The following MEGF6 variants were observed in gnomAD, a reference collection of about 807,000 sequenced individuals.
MEGF6 encodes the protein multiple EGF like domains 6.
A neutral mutation model predicts 207.1 loss-of-function variants in MEGF6; 184 were observed. The ratio of observed to expected loss-of-function variants is 0.89; its 90% CI spans 0.79 to 1.00. The LOEUF is 1.00. MEGF6 is among the 50% of genes least tolerant of loss of function. MEGF6 has a pLI of 0.00. For synonymous variants in MEGF6, 1,038 were observed against 910.0 expected (o/e 1.14, Z -2.53); for missense variants, 2,282 against 2,202.9 (o/e 1.04, Z -0.72).
Position 3,489,972 on chromosome 1 carries a change from G to A in MEGF6, c.*556C>T, listed in dbSNP as rs564281455. On this transcript the variant is annotated 3_prime_UTR_variant, in exon 37 of 37. Transcript: ENST00000356575. The stretch of plus-strand genomic sequence containing the variant: ...GGTTTACATGGTACCGGAGCCAGCA[G>A]CCTGGTGAGCCCGCAGGAGCCTGCA... The A allele has an allele frequency of 6.5e-6, 1 of 154,462 alleles. No individual in the cohort carries two copies. Among genetic ancestry groups the A allele is most frequent in the East Asian group, 1.9e-4 (1 of 5,200 alleles). The allele number at this position is 154,462 out of a possible 1,614,324, so 9.6% of individuals were successfully genotyped here.
chr1:3,498,263 C>A (rs940586103), intron 26 of MEGF6, 108 bp downstream of exon 26: 2 of 1,359,472 alleles, frequency 1.5e-6, no homozygotes, highest in Non-Finnish European at 2.0e-6. Context: ...GACAACAGGT[C>A]CCCTGGTGAG....
chr1:3,514,599 A>G lies in MEGF6; in HGVS notation c.804T>C (p.Cys268=). The change falls in exon 7 of 37, where the codon TGT becomes TGC. Residue 268 remains cysteine, a synonymous_variant. Coordinates refer to ENST00000356575, the MANE Select transcript of MEGF6 (RefSeq NM_001409.4). ...RCQVVRGLAR[C]ECHVGYQLAA... ...CTAGCTGATAGCCCACGTGGCACTCACAGCGGGCGAGGCCCCGGACCACCT... is the reference window on the plus strand; with the variant it reads ...CTAGCTGATAGCCCACGTGGCACTCGCAGCGGGCGAGGCCCCGGACCACCT... 1 of 1,581,698 alleles carries G rather than the reference A, an allele frequency of 6.3e-7. No individual in the cohort carries two copies. The highest frequency in any genetic ancestry group is 8.6e-7 in the Non-Finnish European group (1 of 1,166,200).
chr1:3,566,888 G>A (rs935757395), intron 4 of MEGF6, among the ~76,000 whole-genome samples: 3 of 152,198 alleles, frequency 2.0e-5, no homozygotes, highest in Non-Finnish European at 2.9e-5. Flanking sequence ...AAATAACTGG[G>A]TGCTAGACTG....
chr1:3,602,737 G>T, intron 1 of MEGF6, 137 bp from the exon 2 acceptor site: 1 of 1,287,166 alleles, frequency 7.8e-7, no homozygotes, highest in Non-Finnish European at 1.0e-6. Flanking sequence ...ACGGCACAGT[G>T]CCCATGCCAG....
At chr1:3,527,872 G>A (rs959102853) in intron 4 of MEGF6, among the ~76,000 whole-genome samples, 9 of 152,118 alleles carry the variant, frequency 5.9e-5, no homozygotes, top group Non-Finnish European at 1.3e-4. Context: ...CATCCCAGCC[G>A]GGTTCGGCTC....
At position 3,500,617 on chromosome 1, in the gene MEGF6, C is replaced by T; in HGVS notation, c.2707+16G>A. On this transcript the variant is annotated intron_variant, in intron 21 of 36. Coordinates refer to ENST00000356575, the MANE Select transcript of MEGF6 (RefSeq NM_001409.4). ...CACTCAGGAGGGTGGCAGCCAAAGGCAGGGCCGGGACTCACGCTGCTCGCA... is the reference window on the plus strand; with the variant it reads ...CACTCAGGAGGGTGGCAGCCAAAGGTAGGGCCGGGACTCACGCTGCTCGCA... The T allele has an allele frequency of 1.3e-6, 2 of 1,544,460 alleles. No individual in the cohort carries two copies. Among genetic ancestry groups the T allele is most frequent in the East Asian group, 2.4e-5 (1 of 41,000 alleles).
intron 5 of MEGF6, 128 bp downstream of exon 5, chr1:3,523,996 G>A: frequency 1.9e-6 from 2 of 1,068,156 alleles, no homozygotes; most frequent in Non-Finnish European, 2.7e-6. Flanking sequence ...GCAGGAAGGA[G>A]CCACTGCCAG....
rs1311932832 is a variant in MEGF6 at position 3,583,438 on chromosome 1, ACCAGACAACGCG to A, written c.377-3521_377-3510del. On this transcript the variant is annotated intron_variant, in intron 3 of 36. Coordinates refer to ENST00000356575, the MANE Select transcript of MEGF6 (RefSeq NM_001409.4). Reference sequence around the variant, plus strand: ...CGCAGCCACCAGACAACGCACAGCCACCAGACAACGCGCAGCCACCAGACAACGCGCAGCCAC... The same window carrying A: ...CGCAGCCACCAGACAACGCACAGCCACAGCCACCAGACAACGCGCAGCCAC... 1.9e-4 allele frequency among the ~76,000 whole-genome samples: 12 copies of A among 62,668 alleles called. 4 individuals are homozygous for A. The highest frequency in any genetic ancestry group is 8.4e-4 in the South Asian group (1 of 1,190). The allele number at this position is 62,668 out of a possible 152,430, so 41.1% of individuals were successfully genotyped here.
rs1345926072 is a variant in MEGF6 at position 3,498,782 on chromosome 1, G to A, written c.3139C>T (p.Leu1047Phe). The A allele has an allele frequency of 4.5e-6, 7 of 1,556,842 alleles. No homozygotes were observed. The highest frequency in any genetic ancestry group is 2.4e-5 in the East Asian group (1 of 41,596). ...TCACAGGTCCCTCCGTTCTGGCAGAGGCAGGAATGCCGACAGTTGTCGCCG... is the reference window on the plus strand; with the variant it reads ...TCACAGGTCCCTCCGTTCTGGCAGAAGCAGGAATGCCGACAGTTGTCGCCG... ...LYGDNCRHSC[L>F]CQNGGTCDPV... The change falls in exon 25 of 37, where the codon CTC becomes TTC. Residue 1047 changes from leucine to phenylalanine, a missense_variant. Leu to Phe is a conservative substitution (Grantham distance 22). Transcript: ENST00000356575.
chr1:3,567,576 G>A lies in MEGF6; in HGVS notation c.481+12249C>T, dbSNP rs560882785. On this transcript the variant is annotated intron_variant, in intron 4 of 36. Transcript: ENST00000356575. Reference sequence around the variant, plus strand: ...CAAGCCACCTGCCAGCCAGCACCGCGCAGCCCTGCAGGCTCTGACCACAGG... The same window carrying A: ...CAAGCCACCTGCCAGCCAGCACCGCACAGCCCTGCAGGCTCTGACCACAGG... Among the ~76,000 whole-genome samples the A allele has an allele frequency of 8.5e-5, 13 of 152,240 alleles. No homozygotes were observed. The South Asian group carries it at 1.5e-3, about 17-fold the overall frequency.
At position 3,495,902 on chromosome 1, in the gene MEGF6, G is replaced by A. The variant is rs746047916; in HGVS notation, c.3859C>T (p.Arg1287Cys). 29 of 1,598,088 alleles carry A rather than the reference G, an allele frequency of 1.8e-5. No homozygotes were observed. The highest frequency in any genetic ancestry group is 6.7e-5 in the African/African-American group (5 of 74,894). The change falls in exon 30 of 37, where the codon CGC becomes TGC. Residue 1287 changes from arginine to cysteine, a missense_variant. Physicochemically the swap from Arg to Cys is radical, Grantham distance 180. Coordinates refer to ENST00000356575, the MANE Select transcript of MEGF6 (RefSeq NM_001409.4). ...AGTGAACACTCACCTCGCTCACAGC[G>A]GACGCCGGCTCTCCCCGGGGGGCAG... ...CLCPPGRAGVRCERGCPQNRF... is the reference protein window; with the variant it reads ...CLCPPGRAGVCCERGCPQNRF...
intron 3 of MEGF6, among the ~76,000 whole-genome samples, chr1:3,586,694 A>G (rs1017580135): frequency 1.3e-5 from 2 of 152,156 alleles, no homozygotes; most frequent in Non-Finnish European, 2.9e-5. Flanking sequence ...GGAAAAGCAA[A>G]TGGCGGAGGC....
intron 35 of MEGF6, among the ~76,000 whole-genome samples, chr1:3,491,890 G>A (rs1195567195): frequency 1.3e-5 from 2 of 151,790 alleles, no homozygotes; most frequent in Non-Finnish European, 1.5e-5. Context: ...TCCTGAAGGT[G>A]GTGCTAAGGA....
At chr1:3,578,928 C>CACCCAG (rs1557791112) in intron 4 of MEGF6, among the ~76,000 whole-genome samples, 18 of 152,000 alleles carry the variant, frequency 1.2e-4, no homozygotes, top group African/African-American at 2.2e-4. Context: ...GCAGGGGTGT[C>CACCCAG]CTTCACAAAC....
In MEGF6 at chr1:3,611,155, G is replaced by T. The variant is rs996899810; in HGVS notation, c.114C>A (p.Leu38=). 1.3e-6 allele frequency: 2 copies of T among 1,529,254 alleles called. No homozygotes were observed. Among genetic ancestry groups the T allele is most frequent in the Admixed American group, 2.0e-5 (1 of 51,044 alleles). 94.7% of individuals were successfully genotyped at this position (1,529,254 alleles called of 1,614,324 possible). A position where few individuals can be genotyped will look rare whatever the true frequency, so the allele number is the denominator to read the frequency against. The change falls in exon 1 of 37, where the codon CTC becomes CTA. Residue 38 remains leucine, a synonymous_variant. Coordinates refer to ENST00000356575, the MANE Select transcript of MEGF6 (RefSeq NM_001409.4). The part of the protein sequence containing the change: ...VGASVPPRPL[L]PLQPGMPHVC... The stretch of plus-strand genomic sequence containing the variant: ...CTACTCACATGCCGGGCTGCAGCGG[G>T]AGCAGGGGCCGCGGCGGAACGCTGG...
intron 3 of MEGF6, among the ~76,000 whole-genome samples, chr1:3,587,149 TAAAC>T (rs1445519737): frequency 1.3e-5 from 2 of 152,254 alleles, no homozygotes; most frequent in African/African-American, 2.4e-5. Flanking sequence ...TGTTGCTTAA[TAAAC>T]AAATTTTAAA....
At chr1:3,506,830 T>C (rs79346380) in intron 14 of MEGF6, among the ~76,000 whole-genome samples, 2,118 of 152,270 alleles carry the variant, frequency 0.014, 40 homozygotes, top group African/African-American at 0.049. Flanking sequence ...GTGCTTGCCA[T>C]AGTAGCCCTA....
chr1:3,587,442 T>C (rs1278114382), intron 3 of MEGF6, among the ~76,000 whole-genome samples: 1 of 152,276 alleles, frequency 6.6e-6, no homozygotes. Context: ...CGGTGTTCAA[T>C]GTGACTTTGT....
intron 4 of MEGF6, among the ~76,000 whole-genome samples, chr1:3,525,816 CA>C (rs1246296126): frequency 6.6e-6 from 1 of 152,246 alleles, no homozygotes; most frequent in Non-Finnish European, 1.5e-5. Flanking sequence ...CACAGATGTG[CA>C]GATGGCTTCG....
Sources: gnomAD v4.1 joint callset for allele counts (sites outside exome capture counted in the v4.1 genomes callset) on GRCh38, gnomAD v4.1.1 for gene constraint, MANE v1.5 for transcripts, NCBI Gene and HGNC (gene_info 2026-07-23, HGNC 2026-07-21) for gene names.